The following MAN2A1 variants were observed in gnomAD, a reference collection of about 807,000 sequenced individuals.
MAN2A1 encodes the protein alpha-mannosidase 2.
Under a neutral mutation model 142.6 loss-of-function variants are expected in MAN2A1, and 76 were observed. The ratio of observed to expected loss-of-function variants is 0.53; its 90% CI spans 0.44 to 0.65. The LOEUF is 0.65. Ranked by LOEUF, MAN2A1 falls within the 30% of genes least tolerant of loss-of-function variation. MAN2A1 has a pLI of 0.00. For missense variants in MAN2A1, 1,311 were observed against 1,365.1 expected (o/e 0.96, Z 0.62); for synonymous variants, 559 against 473.2 (o/e 1.18, Z -2.35).
rs183085474 is a variant in MAN2A1, at chr5:109,842,802, T to C, written c.2700+341T>C. Among the ~76,000 whole-genome samples, 236 of 143,662 alleles carry C rather than the reference T, an allele frequency of 1.6e-3. 2 individuals carry two copies. The highest frequency in any genetic ancestry group is 4.5e-3 in the South Asian group (19 of 4,216). 94.2% of individuals were successfully genotyped at this position (143,662 alleles called of 152,430 possible). A position where few individuals can be genotyped will look rare whatever the true frequency, so the allele number is the denominator to read the frequency against. ...ATTAGGGATTGATGGATTATACTTA[T>C]TGGGTTTTTTTTTTTTTTTTTGAGA... On this transcript the variant is annotated intron_variant, in intron 17 of 21. Transcript: ENST00000261483.
At chr5:109,789,218 T>C (rs904293866) in intron 11 of MAN2A1, among the ~76,000 whole-genome samples, 170 bp downstream of exon 11, 1 of 151,902 alleles carries the variant, frequency 6.6e-6, no homozygotes, top group South Asian at 2.1e-4. Flanking sequence ...TCATCTTTTC[T>C]ATAAATATTT....
At chr5:109,717,310 G>T (rs1258079235) in intron 3 of MAN2A1, among the ~76,000 whole-genome samples, 1 of 151,798 alleles carries the variant, frequency 6.6e-6, no homozygotes, top group Non-Finnish European at 1.5e-5. Context: ...GTTACTTTAG[G>T]TCTGGACACA....
chr5:109,729,572 T>TA, intron 4 of MAN2A1, 59 bp downstream of exon 4: 1 of 876,318 alleles, frequency 1.1e-6, no homozygotes, highest in Non-Finnish European at 1.6e-6. Flanking sequence ...TACAATGAAC[T>TA]AAGTATTGAA....
At chr5:109,720,941 T>C (rs11948554) in intron 3 of MAN2A1, among the ~76,000 whole-genome samples, 23,348 of 152,194 alleles carry the variant, frequency 0.15, 2,037 homozygotes, top group African/African-American at 0.25. Flanking sequence ...TAAAGTGGAT[T>C]GTTTGATTTT....
chr5:109,831,515 T>G (rs1754905649), intron 16 of MAN2A1, among the ~76,000 whole-genome samples: 1 of 152,238 alleles, frequency 6.6e-6, no homozygotes, highest in African/African-American at 2.4e-5. Flanking sequence ...ATTTTTTAAT[T>G]GACTTGAAGT....
rs1458300033 is a variant in MAN2A1, at chr5:109,866,844, A to G, written c.3283-2A>G. 6.3e-7 allele frequency: 1 copy of G among 1,588,756 alleles called. No homozygotes were observed. Among genetic ancestry groups the G allele is most frequent in the South Asian group, 1.1e-5 (1 of 87,778 alleles). ...ATGTAAATTTTATCATTTACTTTTC[A>G]GATATTGGTACAGAAACTTTTAAAC... is the stretch of plus-strand genomic sequence containing the variant. On this transcript the variant is annotated splice_acceptor_variant, in intron 21 of 21. Coordinates refer to ENST00000261483, the MANE Select transcript of MAN2A1 (RefSeq NM_002372.4). LOFTEE classifies it high-confidence loss of function.
At chr5:109,759,650 T>G (rs1284885196) in intron 5 of MAN2A1, among the ~76,000 whole-genome samples, 1 of 152,178 alleles carries the variant, frequency 6.6e-6, no homozygotes, top group Non-Finnish European at 1.5e-5. Context: ...AGGATAAGTT[T>G]ATGTTGCAGC....
At chr5:109,729,947 G>A (rs1397716108) in intron 4 of MAN2A1, among the ~76,000 whole-genome samples, 1 of 152,126 alleles carries the variant, frequency 6.6e-6, no homozygotes, top group Non-Finnish European at 1.5e-5. Context: ...AGCCAATATA[G>A]TGCCACTGCA....
intron 11 of MAN2A1, 128 bp from the exon 12 acceptor site, chr5:109,789,332 C>T: frequency 3.4e-6 from 2 of 581,726 alleles, no homozygotes; most frequent in Non-Finnish European, 5.9e-6. Flanking sequence ...TTAGAAACCC[C>T]TTGATATTTA....
At chr5:109,819,579 T>A in intron 13 of MAN2A1, 90 bp from the exon 14 acceptor site, 2 of 697,174 alleles carry the variant, frequency 2.9e-6, no homozygotes, top group Non-Finnish European at 4.5e-6. Flanking sequence ...AAAAATATGA[T>A]AGTTTGTTGG....
chr5:109,814,170 T>G (rs537614932), intron 12 of MAN2A1, among the ~76,000 whole-genome samples: 1 of 152,322 alleles, frequency 6.6e-6, no homozygotes, highest in East Asian at 1.9e-4. Context: ...AAAATTGAAA[T>G]TAACCCTCCC....
chr5:109,867,768 C>T lies in MAN2A1; in HGVS notation c.*770C>T, dbSNP rs950614106. The T allele has an allele frequency of 2.6e-5, 4 of 152,474 alleles. No homozygotes were observed. Among genetic ancestry groups the T allele is most frequent in the African/African-American group, 7.2e-5 (3 of 41,434 alleles). The allele number at this position is 152,474 out of a possible 1,614,324, so 9.4% of individuals were successfully genotyped here. On this transcript the variant is annotated 3_prime_UTR_variant, in exon 22 of 22. Coordinates refer to ENST00000261483, the MANE Select transcript of MAN2A1 (RefSeq NM_002372.4). The stretch of plus-strand genomic sequence containing the variant: ...TACCACAAGGTGTCTTTTTACACAG[C>T]TCATTTGAATACAGGTGTTCTGAGA...
At chr5:109,763,475 TTTG>T (rs1193000338) in intron 5 of MAN2A1, among the ~76,000 whole-genome samples, 1 of 151,752 alleles carries the variant, frequency 6.6e-6, no homozygotes, top group Non-Finnish European at 1.5e-5. Context: ...TGTCCTTGGT[TTTG>T]TTTTCTTTTT....
At chr5:109,840,395 G>T (rs1372911370) in intron 16 of MAN2A1, 2 of 386,418 alleles carry the variant, frequency 5.2e-6, no homozygotes, top group Non-Finnish European at 1.0e-5. Flanking sequence ...GAAATTGCTG[G>T]TAATGATTCC....
chr5:109,799,701 C>T (rs1753963181), intron 12 of MAN2A1, among the ~76,000 whole-genome samples: 1 of 151,626 alleles, frequency 6.6e-6, no homozygotes, highest in Admixed American at 6.6e-5. Context: ...TTGTGGTGAG[C>T]CGAGGTTGCA....
chr5:109,785,253 A>G (rs763885321), intron 10 of MAN2A1, among the ~76,000 whole-genome samples: 17 of 152,116 alleles, frequency 1.1e-4, no homozygotes, highest in Non-Finnish European at 2.5e-4. Flanking sequence ...TTGGCATCAA[A>G]TAAAACATAG....
chr5:109,759,789 A>G (rs1302413744), intron 5 of MAN2A1, among the ~76,000 whole-genome samples: 2 of 152,032 alleles, frequency 1.3e-5, no homozygotes, highest in Non-Finnish European at 2.9e-5. Flanking sequence ...TCTTAGAACC[A>G]TGCTAGTGGG....
At chr5:109,849,405 C>G (rs1220075089) in intron 19 of MAN2A1, among the ~76,000 whole-genome samples, 7 of 152,114 alleles carry the variant, frequency 4.6e-5, no homozygotes, top group Non-Finnish European at 8.8e-5. Context: ...AATCTCTCTT[C>G]TCTCCCAAAC....
intron 16 of MAN2A1, among the ~76,000 whole-genome samples, chr5:109,833,563 G>A (rs938610826): frequency 1.6e-4 from 24 of 152,014 alleles, no homozygotes; most frequent in African/African-American, 2.9e-4. Context: ...CCAGGCACTC[G>A]GCAGGCTGAA....
Sources: gnomAD v4.1 joint callset for allele counts (sites outside exome capture counted in the v4.1 genomes callset) on GRCh38, gnomAD v4.1.1 for gene constraint, MANE v1.5 for transcripts, NCBI Gene and HGNC (gene_info 2026-07-23, HGNC 2026-07-21) for gene names.